Variants in DGKB observed in about 807,000 individuals in gnomAD.
DGKB encodes diacylglycerol kinase beta.
DGKB carries 67 observed loss-of-function variants against 114.3 expected under a neutral mutation model. The observed-to-expected ratio is 0.59, with a 90% CI of 0.48 to 0.72. The LOEUF (loss-of-function observed/expected upper bound fraction) is 0.72, where lower values mean the gene tolerates loss of function less well. Ranked by LOEUF, DGKB falls within the 30% of genes least tolerant of loss-of-function variation. The pLI is 0.00. For missense variants in DGKB, 907 were observed against 975.2 expected (o/e 0.93, Z 0.93); for synonymous variants, 398 against 323.1 (o/e 1.23, Z -2.49).
intron 23 of DGKB, among the ~76,000 whole-genome samples, chr7:14,184,095 G>C (rs1783038475): frequency 6.6e-6 from 1 of 152,176 alleles, no homozygotes; most frequent in South Asian, 2.1e-4. Flanking sequence ...GGAAAGCTAA[G>C]CCAAGTACAG....
chr7:14,340,688 C>T (rs1811463979), intron 22 of DGKB, among the ~76,000 whole-genome samples: 1 of 151,560 alleles, frequency 6.6e-6, no homozygotes, highest in Admixed American at 6.6e-5. Context: ...TTAAGTATTA[C>T]ACGAAAAAGA....
intron 1 of DGKB, among the ~76,000 whole-genome samples, chr7:14,972,192 A>C (rs1787509361): frequency 1.3e-5 from 2 of 152,178 alleles, no homozygotes; most frequent in African/African-American, 4.8e-5. Context: ...ATGTATTGCA[A>C]ATAAACTAAA....
rs1403345799 is a variant in DGKB, at chr7:14,391,521, TA to T, written c.1836-46131del. Among the ~76,000 whole-genome samples the T allele has an allele frequency of 1.7e-3, 197 of 113,674 alleles. 1 individual carries two copies. Among genetic ancestry groups the T allele is most frequent in the Admixed American group, 4.0e-3 (47 of 11,724 alleles). 74.6% of individuals were successfully genotyped at this position (113,674 alleles called of 152,430 possible). On this transcript the variant is annotated intron_variant, in intron 21 of 25. Transcript: ENST00000402815. ...GGCCGGTCTACAAAAGAAAAAAAAA[TA>T]AAAAAAAAAAAAGGAAAAATTAGCC...
At chr7:14,415,147 T>C (rs1322604943) in intron 21 of DGKB, among the ~76,000 whole-genome samples, 3 of 151,912 alleles carry the variant, frequency 2.0e-5, no homozygotes, top group African/African-American at 7.2e-5. Context: ...CATATAAATA[T>C]ATTTCTATTC....
chr7:14,924,209 A>C lies in DGKB; in HGVS notation c.-188+50487T>G, dbSNP rs530721798. Among the ~76,000 whole-genome samples the C allele has an allele frequency of 4.6e-5, 7 of 152,134 alleles. No individual in the cohort carries two copies. In the East Asian group the frequency reaches 1.4e-3, roughly 29 times the overall value. Reference sequence around the variant, plus strand: ...GTTCTTAAAAATATTTTTGCTGGGTATGCAGTTCTAAACAGGTATTTTCTC... The same window carrying C: ...GTTCTTAAAAATATTTTTGCTGGGTCTGCAGTTCTAAACAGGTATTTTCTC... On this transcript the variant is annotated intron_variant, in intron 1 of 4. Coordinates refer to the DGKB transcript ENST00000437998.
chr7:14,925,459 G>C (rs955592141), intron 1 of DGKB, among the ~76,000 whole-genome samples: 10 of 152,064 alleles, frequency 6.6e-5, no homozygotes, highest in African/African-American at 2.4e-4. Flanking sequence ...AATTTTTATA[G>C]GAAAGGGATT....
At position 14,974,341 on chromosome 7, in the gene DGKB, T is replaced by C. The variant is rs139655464; in HGVS notation, c.-188+355A>G. ...CATGAGAGACAAGTTATTTTTAAAG[T>C]TGACAACAACAAAAAGATTTTAAAT... On this transcript the variant is annotated intron_variant, in intron 1 of 4. Coordinates refer to the DGKB transcript ENST00000437998. Among the ~76,000 whole-genome samples, 174 of 152,166 alleles carry C rather than the reference T, an allele frequency of 1.1e-3. 3 individuals carry two copies. In the East Asian group the frequency reaches 0.022, roughly 19 times the overall value.
intron 23 of DGKB, among the ~76,000 whole-genome samples, chr7:14,249,573 G>A (rs1794937815): frequency 6.6e-6 from 1 of 152,106 alleles, no homozygotes; most frequent in Admixed American, 6.5e-5. Context: ...TTGGTAGAGT[G>A]TGTGTTCCTA....
chr7:14,507,590 T>C (rs1430522251), intron 20 of DGKB, among the ~76,000 whole-genome samples: 2 of 152,208 alleles, frequency 1.3e-5, no homozygotes, highest in African/African-American at 4.8e-5. Context: ...TTAGGAGGTA[T>C]CTGTGATTTC....
At chr7:14,780,814 G>A (rs113597005) in intron 2 of DGKB, among the ~76,000 whole-genome samples, 1 of 151,998 alleles carries the variant, frequency 6.6e-6, no homozygotes, top group African/African-American at 2.4e-5. Context: ...TCTTTATGCT[G>A]GCATCATAAC....
intron 23 of DGKB, among the ~76,000 whole-genome samples, chr7:14,228,330 A>G (rs1791155341): frequency 6.6e-6 from 1 of 152,028 alleles, no homozygotes; most frequent in African/African-American, 2.4e-5. Context: ...TCTGGCACAT[A>G]GGCCACCTCC....
chr7:14,215,270 T>C (rs1347634828), intron 23 of DGKB, among the ~76,000 whole-genome samples: 2 of 152,038 alleles, frequency 1.3e-5, no homozygotes, highest in African/African-American at 4.8e-5. Context: ...TAGGCATGCA[T>C]GTGAGTCAAG....
chr7:14,636,044 T>C (rs962849796), intron 13 of DGKB, among the ~76,000 whole-genome samples: 2 of 151,768 alleles, frequency 1.3e-5, no homozygotes, highest in Admixed American at 6.6e-5. Flanking sequence ...GAGGTTATAA[T>C]GGAATTTGTT....
rs540581979 is a variant in DGKB, at chr7:14,782,347, G to A, written c.71-24616C>T. ...CCGGCCTGAATTTTTAAATGAATGAGTTAAGTAATGAATACTATGATTGCA... is the reference window on the plus strand; with the variant it reads ...CCGGCCTGAATTTTTAAATGAATGAATTAAGTAATGAATACTATGATTGCA... On this transcript the variant is annotated intron_variant, in intron 2 of 25. Coordinates refer to ENST00000402815, the MANE Select transcript of DGKB (RefSeq NM_001350709.2). Among the ~76,000 whole-genome samples the A allele has an allele frequency of 1.5e-3, 233 of 152,224 alleles. 2 individuals are homozygous for A. Among genetic ancestry groups the A allele is most frequent in the African/African-American group, 5.2e-3 (217 of 41,544 alleles).
intron 13 of DGKB, among the ~76,000 whole-genome samples, chr7:14,662,005 T>C (rs1318199073): frequency 6.6e-6 from 1 of 151,720 alleles, no homozygotes; most frequent in Non-Finnish European, 1.5e-5. Flanking sequence ...AAATGAACAA[T>C]GAGAACACAT....
At chr7:14,157,849 A>C (rs919585806) in intron 25 of DGKB, among the ~76,000 whole-genome samples, 2 of 152,200 alleles carry the variant, frequency 1.3e-5, no homozygotes, top group African/African-American at 4.8e-5. Flanking sequence ...AATAGAAGTC[A>C]AAAACATAAC....
upstream of DGKB, among the ~76,000 whole-genome samples, chr7:14,904,852 G>A (rs183822748): frequency 6.6e-6 from 1 of 152,182 alleles, no homozygotes; most frequent in East Asian, 1.9e-4. Context: ...GTACACTGCA[G>A]TGTAAGGAAG....
intron 1 of DGKB, among the ~76,000 whole-genome samples, chr7:14,843,459 C>T (rs1287821728): frequency 6.7e-6 from 1 of 149,826 alleles, no homozygotes; most frequent in Admixed American, 6.6e-5. Flanking sequence ...CTCAGCCTCC[C>T]GAGTAGCTGG....
chr7:14,709,015 A>T (rs1232418173), intron 6 of DGKB, among the ~76,000 whole-genome samples: 2 of 147,156 alleles, frequency 1.4e-5, no homozygotes, highest in Non-Finnish European at 3.0e-5. Flanking sequence ...AACTACCATC[A>T]GAGTGAACAG....
Sources: allele counts gnomAD v4.1 joint callset (sites outside exome capture counted in the v4.1 genomes callset), GRCh38; gene constraint gnomAD v4.1.1; transcripts MANE v1.5; gene names NCBI Gene and HGNC (gene_info 2026-07-23, HGNC 2026-07-21).